Variants in BCKDHB observed in about 807,000 individuals in gnomAD.
BCKDHB encodes the protein branched chain keto acid dehydrogenase E1 subunit beta.
In BCKDHB, 41 loss-of-function variants were observed where a neutral mutation model predicts 48.5. The observed-to-expected ratio is 0.85, with a 90% CI of 0.66 to 1.10. BCKDHB has a LOEUF of 1.10. Ranked by LOEUF, BCKDHB falls within the 50% of genes least tolerant of loss-of-function variation. The pLI, the probability that BCKDHB is intolerant of heterozygous loss-of-function variation, is 0.00. For missense variants in BCKDHB, 496 were observed against 494.2 expected (o/e 1.00, Z -0.03); for synonymous variants, 201 against 174.8 (o/e 1.15, Z -1.18).
At chr6:80,172,154 A>G (rs998411967) in intron 6 of BCKDHB, among the ~76,000 whole-genome samples, 3 of 151,922 alleles carry the variant, frequency 2.0e-5, no homozygotes, top group African/African-American at 7.2e-5. Context: ...ACTCAACCTA[A>G]TGCTTTTGAG....
intron 9 of BCKDHB, among the ~76,000 whole-genome samples, chr6:80,273,643 G>A (rs191866509): frequency 7.2e-5 from 11 of 151,812 alleles, no homozygotes; most frequent in South Asian, 2.1e-4. Flanking sequence ...CAGCATTCAC[G>A]TTCTAAAAAT....
At chr6:80,324,233 G>T (rs1364721804) in intron 9 of BCKDHB, among the ~76,000 whole-genome samples, 1 of 152,128 alleles carries the variant, frequency 6.6e-6, no homozygotes, top group Admixed American at 6.5e-5. Flanking sequence ...CAATTTCCCA[G>T]CATTTAAAAT....
chr6:80,338,916 G>A (rs1482851337), intron 9 of BCKDHB, among the ~76,000 whole-genome samples: 2 of 152,076 alleles, frequency 1.3e-5, no homozygotes, highest in Non-Finnish European at 1.5e-5. Flanking sequence ...TATAAACCTC[G>A]GGGAGGTTAA....
intron 1 of BCKDHB, among the ~76,000 whole-genome samples, chr6:80,112,295 A>G (rs1016069631): frequency 6.6e-6 from 1 of 152,198 alleles, no homozygotes; most frequent in South Asian, 2.1e-4. Flanking sequence ...AAGGCTGTGA[A>G]CCAAAATTTC....
At chr6:80,282,083 A>G (rs928568001) in intron 9 of BCKDHB, among the ~76,000 whole-genome samples, 7 of 152,200 alleles carry the variant, frequency 4.6e-5, no homozygotes, top group African/African-American at 1.2e-4. Flanking sequence ...ATGACAGAGA[A>G]CTAACGTGTA....
the BCKDHB span, among the ~76,000 whole-genome samples, chr6:80,377,062 G>A: frequency 7.6e-6 from 1 of 131,226 alleles, no homozygotes; most frequent in Non-Finnish European, 1.6e-5. Context: ...TTTTTTTGAT[G>A]AAGTCTCACT....
intron 3 of BCKDHB, among the ~76,000 whole-genome samples, chr6:80,150,160 C>T (rs1170356784): frequency 6.6e-6 from 1 of 152,084 alleles, no homozygotes; most frequent in East Asian, 1.9e-4. Context: ...CCTCTCTTTC[C>T]ACTTCAAATC....
chr6:80,146,614 A>C (rs1223428446), intron 3 of BCKDHB, among the ~76,000 whole-genome samples: 1 of 152,146 alleles, frequency 6.6e-6, no homozygotes, highest in Non-Finnish European at 1.5e-5. Context: ...GCTTGGAAAA[A>C]CAGAATCTGG....
intron 9 of BCKDHB, among the ~76,000 whole-genome samples, chr6:80,301,595 A>G (rs760849259): frequency 2.0e-5 from 3 of 152,104 alleles, no homozygotes; most frequent in Non-Finnish European, 2.9e-5. Context: ...ACTGGTACCA[A>G]TCCTACTGAA....
chr6:80,216,622 A>G (rs1342682229), intron 8 of BCKDHB, among the ~76,000 whole-genome samples: 1 of 152,184 alleles, frequency 6.6e-6, no homozygotes, highest in Non-Finnish European at 1.5e-5. Flanking sequence ...ACTGTTACGA[A>G]TAGCAGTGAA....
intron 3 of BCKDHB, among the ~76,000 whole-genome samples, chr6:80,137,724 C>T (rs1770959338): frequency 6.6e-6 from 1 of 151,748 alleles, no homozygotes; most frequent in Non-Finnish European, 1.5e-5. Flanking sequence ...TGGATGGAGA[C>T]CTAGAATGCT....
intron 9 of BCKDHB, among the ~76,000 whole-genome samples, chr6:80,287,319 A>G (rs1284297195): frequency 6.6e-6 from 1 of 152,220 alleles, no homozygotes; most frequent in East Asian, 1.9e-4. Context: ...GGAATATGTC[A>G]GCCACCATAG....
At chr6:80,321,142 T>A (rs1768694450) in intron 9 of BCKDHB, among the ~76,000 whole-genome samples, 1 of 152,186 alleles carries the variant, frequency 6.6e-6, no homozygotes, top group South Asian at 2.1e-4. Context: ...CTTCTCCCCA[T>A]GCAGCTGTTG....
intron 8 of BCKDHB, among the ~76,000 whole-genome samples, chr6:80,232,797 G>T (rs2127892036): frequency 6.6e-6 from 1 of 150,862 alleles, no homozygotes; most frequent in South Asian, 2.1e-4. Flanking sequence ...ATATGTATGA[G>T]AGTGTGTGTA....
chr6:80,384,549 G>A, the BCKDHB span, among the ~76,000 whole-genome samples: 2 of 151,968 alleles, frequency 1.3e-5, no homozygotes, highest in African/African-American at 4.8e-5. Flanking sequence ...AATAGAGATG[G>A]AGTTTCACCA....
At chr6:80,386,981 T>TC in the BCKDHB span, among the ~76,000 whole-genome samples, 51 of 150,812 alleles carry the variant, frequency 3.4e-4, no homozygotes, top group East Asian at 9.8e-4. Context: ...CTTTCTCCCA[T>TC]CCCCCCCCAA....
At chr6:80,210,019 A>G (rs58678861) in intron 8 of BCKDHB, among the ~76,000 whole-genome samples, 5,425 of 151,890 alleles carry the variant, frequency 0.036, 310 homozygotes, top group African/African-American at 0.12. Flanking sequence ...ACTCTCATAG[A>G]CTATTGTTGG....
chr6:80,396,206 C>T, the BCKDHB span, among the ~76,000 whole-genome samples: 2 of 152,194 alleles, frequency 1.3e-5, no homozygotes, highest in Non-Finnish European at 2.9e-5. Context: ...ACAGCTTGCA[C>T]TTTGTGCCTG....
chr6:80,219,329 C>T (rs990851485), intron 8 of BCKDHB, among the ~76,000 whole-genome samples: 1 of 152,022 alleles, frequency 6.6e-6, no homozygotes. Flanking sequence ...GCCTCAGACT[C>T]CCAAGTAGCT....
Sources: gnomAD v4.1 joint callset for allele counts (sites outside exome capture counted in the v4.1 genomes callset) on GRCh38, gnomAD v4.1.1 for gene constraint, MANE v1.5 for transcripts, NCBI Gene and HGNC (gene_info 2026-07-23, HGNC 2026-07-21) for gene names.